The following AKAP12 variants were observed in gnomAD, a reference collection of about 807,000 sequenced individuals.
AKAP12 encodes the protein A-kinase anchoring protein 12.
In AKAP12, 32 loss-of-function variants were observed where a neutral mutation model predicts 79.9. That is an observed-to-expected ratio of 0.40 (90% CI 0.30 to 0.54). AKAP12 has a LOEUF of 0.54. AKAP12 is among the 20% of genes least tolerant of loss of function. The pLI is 0.48. For synonymous variants in AKAP12, 808 were observed against 857.0 expected, an observed-to-expected ratio of 0.94 and a Z score of 1.00; for missense variants, 2,074 against 2,177.0, an observed-to-expected ratio of 0.95 and a Z score of 0.94.
chr6:151,352,121 G>C lies in AKAP12; in HGVS notation c.3730G>C (p.Glu1244Gln). The C allele has an allele frequency of 6.2e-7, 1 of 1,614,142 alleles. No individual in the cohort carries two copies. Among genetic ancestry groups the C allele is most frequent in the African/African-American group, 1.3e-5 (1 of 75,036 alleles). The change falls in exon 4 of 5, where the codon GAG (glutamate) becomes CAG (glutamine). Residue 1244 changes from glutamate to glutamine, a missense_variant. Physicochemically the swap from Glu to Gln is conservative, Grantham distance 29 (BLOSUM62 2). This residue lies in a region of AKAP12 where 614 missense variants were observed against 665.6 expected (regional missense o/e 0.92). Transcript: ENST00000402676. Reference sequence around the variant, plus strand: ...ACAATCAAAGATGGAAGACACTCTAGAGCATACAGATAAAGAGGTGTCAGT... The same window carrying C: ...ACAATCAAAGATGGAAGACACTCTACAGCATACAGATAAAGAGGTGTCAGT... ...KEQSKMEDTL[E>Q]HTDKEVSVET... is the part of the protein sequence containing the mutation.
At chr6:151,245,136 CTTAG>C (rs1430580175) in intron 2 of AKAP12, among the ~76,000 whole-genome samples, 3 of 152,174 alleles carry the variant, frequency 2.0e-5, no homozygotes, top group East Asian at 1.9e-4. Context: ...TTTCCTTTGT[CTTAG>C]TTAGTTTTAA....
rs370524915 is a variant in AKAP12 at position 151,350,112 on chromosome 6, A to G, written c.1721A>G (p.Glu574Gly). The change falls in exon 4 of 5, where the codon GAG becomes GGG. Residue 574 changes from glutamate (E) to glycine (G), a missense_variant. By Grantham distance (98) the Glu-to-Gly change is moderately conservative (BLOSUM62 -2). This residue lies in a region of AKAP12 where 1,428 missense variants were observed against 1,451.0 expected (regional missense o/e 0.98). Coordinates refer to ENST00000402676, the MANE Select transcript of AKAP12 (RefSeq NM_005100.4). This position sits in a 1 kb window ranked among gnomAD's most constrained non-coding sequence, Gnocchi z 4.8. ...ESSASSPEEP[E>G]EITCLEKGLA... ...TCTGCCTCATCCCCTGAGGAGCCCG[A>G]GGAGATCACGTGTCTGGAAAAGGGC... The G allele has an allele frequency of 3.1e-6, 5 of 1,614,058 alleles. No individual in the cohort carries two copies. The highest frequency in any genetic ancestry group is 4.2e-6 in the Non-Finnish European group (5 of 1,179,996).
intron 2 of AKAP12, 77 bp downstream of exon 2, chr6:151,240,801 G>C: frequency 1.1e-6 from 1 of 871,152 alleles, no homozygotes; most frequent in East Asian, 4.1e-5. Flanking sequence ...GGGTCCCTCC[G>C]ATTTCCGCCG....
At chr6:151,321,240 G>A (rs895166060) in intron 3 of AKAP12, among the ~76,000 whole-genome samples, 1 of 152,108 alleles carries the variant, frequency 6.6e-6, no homozygotes, top group Non-Finnish European at 1.5e-5. Context: ...GCCCGCCTCG[G>A]CCTCCCAAAG....
chr6:151,330,386 T>C (rs936259255), intron 3 of AKAP12, among the ~76,000 whole-genome samples: 2 of 152,150 alleles, frequency 1.3e-5, no homozygotes, highest in Admixed American at 1.3e-4. Flanking sequence ...ATATCTCCGC[T>C]TGGAGGTTTT....
intron 2 of AKAP12, among the ~76,000 whole-genome samples, chr6:151,263,549 A>G (rs1323853758): frequency 6.6e-6 from 1 of 151,280 alleles, no homozygotes; most frequent in South Asian, 2.1e-4. Context: ...ATTTTTACTC[A>G]CTATACTCTC....
intron 2 of AKAP12, among the ~76,000 whole-genome samples, chr6:151,286,232 A>G (rs894655930): frequency 3.3e-5 from 5 of 152,244 alleles, no homozygotes; most frequent in Non-Finnish European, 7.3e-5. Context: ...ACACTTGTTT[A>G]GGGAAAGCCC....
intron 3 of AKAP12, among the ~76,000 whole-genome samples, chr6:151,340,457 T>A (rs964259789): frequency 6.6e-6 from 1 of 152,304 alleles, no homozygotes; most frequent in South Asian, 2.1e-4. Flanking sequence ...GGTAAGAGTA[T>A]GTTCAGTATG....
At chr6:151,263,357 C>T (rs547305862) in intron 2 of AKAP12, among the ~76,000 whole-genome samples, 1 of 152,146 alleles carries the variant, frequency 6.6e-6, no homozygotes, top group East Asian at 1.9e-4. Flanking sequence ...CTTTGACTCT[C>T]ACTATGATTT....
chr6:151,249,200 GCT>G (rs1159071071), intron 2 of AKAP12, among the ~76,000 whole-genome samples: 5 of 152,108 alleles, frequency 3.3e-5, no homozygotes, highest in African/African-American at 1.2e-4. Context: ...GTAGCTAAGG[GCT>G]TAGTTTATGG....
chr6:151,347,520 CGTGACTACTTAT>C (rs1778131997), intron 3 of AKAP12, among the ~76,000 whole-genome samples: 1 of 152,142 alleles, frequency 6.6e-6, no homozygotes, highest in Non-Finnish European at 1.5e-5. Context: ...TTAGAGGTGC[CGTGACTACTTAT>C]GTGGAACTAA....
At chr6:151,278,192 G>GT (rs1041257337) in intron 2 of AKAP12, among the ~76,000 whole-genome samples, 30 of 138,184 alleles carry the variant, frequency 2.2e-4, no homozygotes, top group Middle Eastern at 3.6e-3. Context: ...CAGATGTTGT[G>GT]TTTTTTTTGG....
chr6:151,274,446 A>G (rs1188050986), intron 2 of AKAP12, among the ~76,000 whole-genome samples: 3 of 152,200 alleles, frequency 2.0e-5, no homozygotes, highest in South Asian at 2.1e-4. Context: ...GTTGGGTAGT[A>G]GGGAAGTGGT....
At position 151,349,512 on chromosome 6, in the gene AKAP12, A is replaced by G. The variant is rs1582900568; in HGVS notation, c.1121A>G (p.Tyr374Cys). Residue 374 changes from tyrosine to cysteine, a missense_variant, in exon 4 of 5, where the codon TAT becomes TGT. Physicochemically the swap from Tyr to Cys is radical, Grantham distance 194. Coordinates refer to ENST00000402676, the MANE Select transcript of AKAP12 (RefSeq NM_005100.4). Reference sequence around the variant, plus strand: ...CACGAGCCCCGGTTATCAGCTGAATATGAGAAAGTTGAGCTGCCCTCAGAG... The same window carrying G: ...CACGAGCCCCGGTTATCAGCTGAATGTGAGAAAGTTGAGCTGCCCTCAGAG... ...SAHEPRLSAE[Y>C]EKVELPSEEQ... The G allele has an allele frequency of 6.2e-7, 1 of 1,610,444 alleles. No homozygotes were observed. The highest frequency in any genetic ancestry group is 8.5e-7 in the Non-Finnish European group (1 of 1,179,034).
intron 2 of AKAP12, among the ~76,000 whole-genome samples, chr6:151,291,329 A>T (rs1776615633): frequency 6.6e-6 from 1 of 152,160 alleles, no homozygotes; most frequent in South Asian, 2.1e-4. Flanking sequence ...CACATGTCTC[A>T]CAGCTGATGA....
At chr6:151,248,401 A>T (rs1797115750) in intron 2 of AKAP12, among the ~76,000 whole-genome samples, 1 of 151,522 alleles carries the variant, frequency 6.6e-6, no homozygotes. Flanking sequence ...CTGTGCTGGG[A>T]TTCTGTAGTC....
At position 151,351,955 on chromosome 6, in the gene AKAP12, A is replaced by G. The variant is rs1261606052; in HGVS notation, c.3564A>G (p.Lys1188=). The part of the protein sequence containing the change: ...ADFDAPGTTQ[K]DEIVEIHEEN... ...TTGACGCACCAGGCACAACCCAGAA[A>G]GACGAGATTGTGGAAATCCATGAGG... The change falls in exon 4 of 5, where the codon AAA becomes AAG. Residue 1188 remains lysine, a synonymous_variant. Coordinates refer to ENST00000402676, the MANE Select transcript of AKAP12 (RefSeq NM_005100.4). This position sits in a 1 kb window ranked among gnomAD's most constrained non-coding sequence, Gnocchi z 4.4. 6.2e-7 allele frequency: 1 copy of G among 1,614,180 alleles called. No homozygotes were observed. The highest frequency in any genetic ancestry group is 1.7e-5 in the Admixed American group (1 of 60,018).
chr6:151,349,031 G>A lies in AKAP12; in HGVS notation c.640G>A (p.Asp214Asn), dbSNP rs757336172. ...AGGGGAGGGAGCAGCAGGGGCTGGCGACCACAAGGACCCCAGCCTTGGGGC... is the reference window on the plus strand; with the variant it reads ...AGGGGAGGGAGCAGCAGGGGCTGGCAACCACAAGGACCCCAGCCTTGGGGC... Reference protein sequence around the residue: ...DEGEGAAGAGDHKDPSLGAGE... With the variant: ...DEGEGAAGAGNHKDPSLGAGE... The change falls in exon 4 of 5, where the codon GAC (aspartate) becomes AAC (asparagine). Residue 214 changes from aspartate (D) to asparagine (N), a missense_variant. Transcript: ENST00000402676. 9 of 1,613,272 alleles carry A rather than the reference G, an allele frequency of 5.6e-6. No homozygotes were observed. In the African/African-American group the frequency reaches 6.7e-5, roughly 12 times the overall value.
At chr6:151,266,155 CT>C (rs1369858977) in intron 2 of AKAP12, among the ~76,000 whole-genome samples, 1 of 152,230 alleles carries the variant, frequency 6.6e-6, no homozygotes, top group Non-Finnish European at 1.5e-5. Context: ...AGGGTTAATT[CT>C]TTATCAACTT....
Sources: gnomAD v4.1 joint callset for allele counts (sites outside exome capture counted in the v4.1 genomes callset) on GRCh38, gnomAD v4.1.1 for gene constraint, gnomAD v4.1.1 regional missense constraint, Gnocchi (gnomAD v3.1) non-coding constraint, MANE v1.5 for transcripts, NCBI Gene and HGNC (gene_info 2026-07-23, HGNC 2026-07-21) for gene names.